Variants in MIA3 observed in about 807,000 individuals in gnomAD.
The protein encoded by MIA3 is MIA SH3 domain ER export factor 3.
In MIA3, 90 loss-of-function variants were observed where a neutral mutation model predicts 192.4. That is an observed-to-expected ratio of 0.47 (90% CI 0.39 to 0.56). The LOEUF is 0.56. MIA3 is among the 20% of genes least tolerant of loss of function. The pLI is 0.00. For missense variants in MIA3, 2,123 were observed against 2,269.4 expected (o/e 0.94, Z 1.31); for synonymous variants, 740 against 792.8 (o/e 0.93, Z 1.12).
chr1:222,631,926 A>G (rs932324032), intron 4 of MIA3, among the ~76,000 whole-genome samples: 1 of 152,214 alleles, frequency 6.6e-6, no homozygotes, highest in Non-Finnish European at 1.5e-5. Context: ...ATGTTACTGA[A>G]GTCCCTACCA....
intron 26 of MIA3, among the ~76,000 whole-genome samples, chr1:222,663,764 T>C (rs1467571571): frequency 6.6e-6 from 1 of 152,182 alleles, no homozygotes; most frequent in Non-Finnish European, 1.5e-5. Flanking sequence ...TTCCCTTCCA[T>C]TTGCAGATGT....
Position 222,666,296 on chromosome 1 carries a change from T to C in MIA3, c.*677T>C, listed in dbSNP as rs1463827569. ...CTGTGAACTCTACAAGTGACGTCTT[T>C]TTATTTCAAAGAAGTTTATTTCCCA... On this transcript the variant is annotated 3_prime_UTR_variant, in exon 28 of 28. Coordinates refer to ENST00000344922, the MANE Select transcript of MIA3 (RefSeq NM_198551.4). 2 of 152,204 alleles carry C rather than the reference T, an allele frequency of 1.3e-5. No individual in the cohort carries two copies. The highest frequency in any genetic ancestry group is 2.9e-5 in the Non-Finnish European group (2 of 68,034). The allele number at this position is 152,204 out of a possible 1,614,324, so 9.4% of individuals were successfully genotyped here.
chr1:222,659,797 C>G lies in MIA3; in HGVS notation c.4870C>G (p.His1624Asp), dbSNP rs765772568. The change falls in exon 22 of 28, where the codon CAC (histidine) becomes GAC (aspartate). Residue 1624 changes from histidine (H) to aspartate (D), a missense_variant. Coordinates refer to ENST00000344922, the MANE Select transcript of MIA3 (RefSeq NM_198551.4). ...GAAAAGGGAAGCTGCCAATTTGAGA[C>G]ACAAGTATGTGGATTTTGATGGCTA... ...EEKREAANLR[H>D]KLLELTQKMA... The G allele has an allele frequency of 1.2e-6, 2 of 1,613,982 alleles. No homozygotes were observed. The highest frequency in any genetic ancestry group is 2.2e-5 in the East Asian group (1 of 44,862).
At chr1:222,652,148 C>T in intron 12 of MIA3, 80 bp from the exon 13 acceptor site, 3 of 1,389,594 alleles carry the variant, frequency 2.2e-6, no homozygotes, top group Non-Finnish European at 3.0e-6. Flanking sequence ...AAAATGAAAA[C>T]TACATGATGT....
Position 222,662,152 on chromosome 1 carries a change from C to CTAAAACCATGCAGGAAGTGGGGAGAGGAT in MIA3, c.5182+30_5182+58dup, listed in dbSNP as rs758414194. On this transcript the variant is annotated intron_variant, in intron 25 of 27. Transcript: ENST00000344922. ...AAGGGAGCAAGAGTGTTCAAAGAGTCTAAAACCATGCAGGAAGTGGGGAGA... is the reference window on the plus strand; with the variant it reads ...AAGGGAGCAAGAGTGTTCAAAGAGTCTAAAACCATGCAGGAAGTGGGGAGAGGATTAAAACCATGCAGGAAGTGGGGAGA... 5.6e-6 allele frequency: 9 copies of CTAAAACCATGCAGGAAGTGGGGAGAGGAT among 1,610,306 alleles called. No individual in the cohort carries two copies. The Admixed American group carries it at 1.2e-4, about 21-fold the overall frequency.
intron 13 of MIA3, 102 bp from the exon 14 acceptor site, chr1:222,652,906 A>C: frequency 7.4e-7 from 1 of 1,353,950 alleles, no homozygotes; most frequent in Non-Finnish European, 1.0e-6. Context: ...TGATAGGCCA[A>C]GGAGAGGCAT....
intron 1 of MIA3, among the ~76,000 whole-genome samples, chr1:222,619,629 A>T (rs1270056199): frequency 6.6e-6 from 1 of 152,190 alleles, no homozygotes; most frequent in African/African-American, 2.4e-5. Context: ...CAATGGCAAG[A>T]TAGTTGGTAT....
At chr1:222,621,410 C>A in intron 2 of MIA3, 118 bp downstream of exon 2, 1 of 1,026,116 alleles carries the variant, frequency 9.7e-7, no homozygotes, top group Non-Finnish European at 1.4e-6. Context: ...TCCTCTCTGC[C>A]TGACTGTGAA....
At chr1:222,659,179 G>T in intron 19 of MIA3, 1 of 466,006 alleles carries the variant, frequency 2.1e-6, no homozygotes, top group South Asian at 3.2e-5. Context: ...GTTTATAGTG[G>T]AAGATATTAA....
chr1:222,641,594 C>A, intron 6 of MIA3: 3 of 524,414 alleles, frequency 5.7e-6, no homozygotes, highest in Non-Finnish European at 1.1e-5. Flanking sequence ...ATCTTATCTA[C>A]ATAGTACCCA....
At chr1:222,662,200 C>A in intron 25 of MIA3, 53 bp from the exon 26 acceptor site, 1 of 1,592,474 alleles carries the variant, frequency 6.3e-7, no homozygotes, top group Non-Finnish European at 8.6e-7. Flanking sequence ...TAATCCTCCT[C>A]ACAGAGTACA....
At position 222,621,167 on chromosome 1, in the gene MIA3, T is replaced by C. The variant is rs1367980748; in HGVS notation, c.142T>C (p.Tyr48His). 1 of 1,611,410 alleles carries C rather than the reference T, an allele frequency of 6.2e-7. No homozygotes were observed. Among genetic ancestry groups the C allele is most frequent in the Admixed American group, 1.7e-5 (1 of 59,348 alleles). Residue 48 changes from tyrosine (Y) to histidine (H), a missense_variant, in exon 2 of 28, where the codon TAC becomes CAC. By Grantham distance (83) the Tyr-to-His change is moderately conservative. Around this residue, in one of 3 missense-constraint regions of MIA3, gnomAD observed 1,357 missense variants for 1,396.1 expected, o/e 0.97. Transcript: ENST00000344922. Reference sequence around the variant, plus strand: ...TCTCTCTTTATATACAGTGTTAATGTACCGCGGTGAGGCTCTTGAAGATTT... The same window carrying C: ...TCTCTCTTTATATACAGTGTTAATGCACCGCGGTGAGGCTCTTGAAGATTT... ...CADDECSMLM[Y>H]RGEALEDFTG... is the part of the protein sequence containing the mutation.
intron 2 of MIA3, among the ~76,000 whole-genome samples, chr1:222,624,238 A>G (rs1260616878): frequency 8.5e-5 from 13 of 152,266 alleles, no homozygotes; most frequent in Admixed American, 8.5e-4. Context: ...CTGTATAAAA[A>G]GTTACAGTTT....
In MIA3 at chr1:222,629,123, C is replaced by G; in HGVS notation, c.1903C>G (p.Pro635Ala). The change falls in exon 4 of 28, where the codon CCA becomes GCA. Residue 635 changes from proline (P) to alanine (A), a missense_variant. Physicochemically the swap from Pro to Ala is conservative, Grantham distance 27 (BLOSUM62 -1). Coordinates refer to ENST00000344922, the MANE Select transcript of MIA3 (RefSeq NM_198551.4). ...KTQNQPRFSS[P>A]DEIDLPRELE... ...TCAAAACCAACCTAGATTCTCCTCT[C>G]CAGATGAGATTGATTTGCCCAGAGA... The G allele has an allele frequency of 1.2e-6, 2 of 1,614,214 alleles. No homozygotes were observed. Among genetic ancestry groups the G allele is most frequent in the Non-Finnish European group, 1.7e-6 (2 of 1,180,034 alleles).
Position 222,664,050 on chromosome 1 carries a change from G to A in MIA3, c.5315G>A (p.Ser1772Asn). The change falls in exon 27 of 28, where the codon AGC (serine) becomes AAC (asparagine). Residue 1772 changes from serine to asparagine, a missense_variant. Physicochemically the swap from Ser to Asn is conservative, Grantham distance 46 (BLOSUM62 1). Transcript: ENST00000344922. ...CCTTTCCCAGGAGTCCCTCTCATGA[G>A]CACCCCCATGGGAGGCCCTGTACCA... Reference protein sequence around the residue: ...PPPFPGVPLMSTPMGGPVPPP... With the variant: ...PPPFPGVPLMNTPMGGPVPPP... 3 of 1,614,120 alleles carry A rather than the reference G, an allele frequency of 1.9e-6. No homozygotes were observed. The highest frequency in any genetic ancestry group is 2.5e-6 in the Non-Finnish European group (3 of 1,179,982).
rs1378445596 is a variant in MIA3, at chr1:222,627,988, T to C, written c.768T>C (p.Asn256=). ...CCAGCAATAGTTCTCAGGTCTCAAA[T>C]GAACAGGATAAGATTGATGCCTATA... ...NKTSNSSQVS[N]EQDKIDAYKL... Residue 256 remains asparagine, a synonymous_variant, in exon 4 of 28, where the codon AAT becomes AAC. Transcript: ENST00000344922. 1.9e-6 allele frequency: 3 copies of C among 1,613,950 alleles called. No individual in the cohort carries two copies. Among genetic ancestry groups the C allele is most frequent in the Non-Finnish European group, 2.5e-6 (3 of 1,180,004 alleles).
intron 3 of MIA3, 61 bp from the exon 4 acceptor site, chr1:222,627,514 T>G: frequency 7.4e-7 from 1 of 1,346,916 alleles, no homozygotes; most frequent in Non-Finnish European, 1.0e-6. Flanking sequence ...TTAACGTGGA[T>G]AAGACTTTGC....
chr1:222,658,574 T>G lies in MIA3; in HGVS notation c.4608-148T>G, dbSNP rs1338325492. On this transcript the variant is annotated intron_variant, in intron 18 of 27. Transcript: ENST00000344922. ...ACAGGCCACAGTTGGATTTTTATCC[T>G]AAAGGACAGTTTTATTTCCTTCCTG... 3 of 547,668 alleles carry G rather than the reference T, an allele frequency of 5.5e-6. 1 individual carries two copies. In the African/African-American group the frequency reaches 5.8e-5, roughly 11 times the overall value. The allele number at this position is 547,668 out of a possible 1,614,324, so 33.9% of individuals were successfully genotyped here.
Position 222,654,809 on chromosome 1 carries a change from T to C in MIA3, c.4607+16T>C. The C allele has an allele frequency of 1.2e-6, 2 of 1,607,846 alleles. No homozygotes were observed. The highest frequency in any genetic ancestry group is 1.7e-6 in the Non-Finnish European group (2 of 1,174,940). ...CTTTGCAAAAGTAAGATTATCATCA[T>C]TTACTGTTAACTGTATTGTCATGTC... On this transcript the variant is annotated intron_variant, in intron 18 of 27. Coordinates refer to ENST00000344922, the MANE Select transcript of MIA3 (RefSeq NM_198551.4).
Sources: gnomAD v4.1 joint callset for allele counts (sites outside exome capture counted in the v4.1 genomes callset) on GRCh38, gnomAD v4.1.1 for gene constraint, gnomAD v4.1.1 regional missense constraint, MANE v1.5 for transcripts, NCBI Gene and HGNC (gene_info 2026-07-23, HGNC 2026-07-21) for gene names.